VPS16: variants seen among roughly 807,000 people sequenced by gnomAD.
VPS16 encodes vacuolar protein sorting-associated protein 16 homolog.
Under a neutral mutation model 116.0 loss-of-function variants are expected in VPS16, and 82 were observed. The observed-to-expected ratio is 0.71, with a 90% CI of 0.59 to 0.85. The LOEUF (loss-of-function observed/expected upper bound fraction) is 0.85. Ranked by LOEUF, VPS16 falls within the 40% of genes least tolerant of loss-of-function variation. The pLI is 0.00. For synonymous variants in VPS16, 406 were observed against 420.7 expected (o/e 0.96, Z 0.43); for missense variants, 928 against 1,090.6 (o/e 0.85, Z 2.10).
intron 1 of VPS16, among the ~76,000 whole-genome samples, chr20:2,848,240 T>A (rs1016047952): frequency 5.9e-5 from 9 of 152,300 alleles, no homozygotes; most frequent in South Asian, 2.1e-4. Flanking sequence ...ATTTATTTTT[T>A]ATTTTTAATT....
intron 1 of VPS16, among the ~76,000 whole-genome samples, chr20:2,845,325 C>T (rs547338989): frequency 2.0e-5 from 3 of 151,902 alleles, no homozygotes; most frequent in Non-Finnish European, 2.9e-5. Flanking sequence ...AGAAAGGAAG[C>T]GTGAGTTTGG....
intron 11 of VPS16, 21 bp from the exon 12 acceptor site, chr20:2,862,558 C>A: frequency 6.2e-7 from 1 of 1,610,432 alleles, no homozygotes; most frequent in Non-Finnish European, 8.5e-7. Context: ...GATGCCCTGG[C>A]TCTGGACTGC....
In VPS16 at chr20:2,864,167, C is replaced by T; in HGVS notation, c.1612-12C>T. ...AGCTCCTTCTCTCTGTGCCTTCCTT[C>T]TCACCTCACAGCTGCTGGAGTATGA... On this transcript the variant is annotated splice_polypyrimidine_tract_variant and intron_variant, in intron 16 of 23. Transcript: ENST00000380445. The surrounding 1 kb of genome is among the most constrained non-coding windows in gnomAD (Gnocchi z 5.2). 1 of 1,614,202 alleles carries T rather than the reference C, an allele frequency of 6.2e-7. No individual in the cohort carries two copies.
At chr20:2,849,049 G>T (rs1380452510) in intron 1 of VPS16, among the ~76,000 whole-genome samples, 10 of 152,134 alleles carry the variant, frequency 6.6e-5, no homozygotes, top group Non-Finnish European at 7.4e-5. Context: ...TAGTCTCCTT[G>T]GAGACAGGAA....
chr20:2,847,775 C>T (rs2089076535), intron 1 of VPS16, among the ~76,000 whole-genome samples: 1 of 151,442 alleles, frequency 6.6e-6, no homozygotes. Context: ...CCGCACCCAG[C>T]CCCGCCCCCT....
At chr20:2,847,497 T>G (rs1422630318) in intron 1 of VPS16, among the ~76,000 whole-genome samples, 3 of 132,922 alleles carry the variant, frequency 2.3e-5, no homozygotes, top group Non-Finnish European at 3.1e-5. Flanking sequence ...TTTTTTTTTT[T>G]AAGACGGACT....
chr20:2,846,829 G>A (rs2089064954), intron 1 of VPS16, among the ~76,000 whole-genome samples: 1 of 152,150 alleles, frequency 6.6e-6, no homozygotes, highest in African/African-American at 2.4e-5. Flanking sequence ...ACTGTTTCCA[G>A]CAGGGGACTG....
chr20:2,842,904 A>AGATGTATCTATCGATAGATAGATGTATC (rs2089021076), intron 1 of VPS16, among the ~76,000 whole-genome samples: 4 of 5,642 alleles, frequency 7.1e-4, no homozygotes, highest in Admixed American at 1.6e-3. Context: ...ATAGATAGAT[A>AGATGTATCTATCGATAGATAGATGTATC]TATGTTATGG....
In VPS16 at chr20:2,859,772, G is replaced by T. The variant is rs150816934; in HGVS notation, c.107G>T (p.Cys36Phe). 7.4e-6 allele frequency: 12 copies of T among 1,613,144 alleles called. No homozygotes were observed. In the African/African-American group the frequency reaches 1.3e-4, roughly 18 times the overall value. ...DWDLKEELRD[C>F]LVAAAPYGGP... ...GACCTGAAGGAGGAACTCAGGGATT[G>T]CCTGGTGGCTGCTGCACCCTATGGG... is the stretch of plus-strand genomic sequence containing the variant. Residue 36 changes from cysteine to phenylalanine, a missense_variant, in exon 2 of 24, where the codon TGC becomes TTC. Transcript: ENST00000380445.
intron 1 of VPS16, among the ~76,000 whole-genome samples, chr20:2,846,862 A>G (rs764073172): frequency 2.0e-5 from 3 of 152,184 alleles, no homozygotes; most frequent in Non-Finnish European, 4.4e-5. Flanking sequence ...CCGGTACCTC[A>G]CTACATCCTT....
intron 1 of VPS16, 103 bp downstream of exon 1, chr20:2,840,930 C>G (rs1599960999): frequency 9.4e-7 from 1 of 1,060,948 alleles, no homozygotes; most frequent in Non-Finnish European, 1.3e-6. Flanking sequence ...GCGCTGGGGT[C>G]CGCCCCGCGC....
rs368759422 is a variant in VPS16, at chr20:2,864,181, G to A, written c.1614G>A (p.Leu538=). 22 of 1,614,092 alleles carry A rather than the reference G, an allele frequency of 1.4e-5. No individual in the cohort carries two copies. In the African/African-American group the frequency reaches 1.9e-4, roughly 14 times the overall value. Residue 538 remains leucine (L), a splice_region_variant and synonymous_variant, in exon 17 of 24, where the codon CTG becomes CTA. Transcript: ENST00000380445. The surrounding 1 kb of genome is among the most constrained non-coding windows in gnomAD (Gnocchi z 5.2). ...GTGCCTTCCTTCTCACCTCACAGCT[G>A]CTGGAGTATGAGCCACGCTCAGGGG... ...GCGRTELAIK[L]LEYEPRSGEQ...
chr20:2,863,223 T>C lies in VPS16; in HGVS notation c.1368-67T>C, dbSNP rs1399466833. On this transcript the variant is annotated intron_variant, in intron 14 of 23. Transcript: ENST00000380445. This position sits in a 1 kb window ranked among gnomAD's most constrained non-coding sequence, Gnocchi z 4.4. The stretch of plus-strand genomic sequence containing the variant: ...GATGTGGGAGGCCTGATGTGCAGGC[T>C]GAGGCCACTCTGCTCCCTTTCTCCT... 2 of 1,610,198 alleles carry C rather than the reference T, an allele frequency of 1.2e-6. No homozygotes were observed. Among genetic ancestry groups the C allele is most frequent in the Non-Finnish European group, 1.7e-6 (2 of 1,176,640 alleles).
At position 2,860,864 on chromosome 20, in the gene VPS16, G is replaced by T; in HGVS notation, c.630+1G>T. The T allele has an allele frequency of 6.2e-7, 1 of 1,614,118 alleles. No individual in the cohort carries two copies. Among genetic ancestry groups the T allele is most frequent in the Non-Finnish European group, 8.5e-7 (1 of 1,180,032 alleles). On this transcript the variant is annotated splice_donor_variant, in intron 6 of 23. Coordinates refer to ENST00000380445, the MANE Select transcript of VPS16 (RefSeq NM_022575.4). LOFTEE classifies it high-confidence loss of function. This position sits in a 1 kb window ranked among gnomAD's most constrained non-coding sequence, Gnocchi z 6.1. ...GGACCATGCAGCCTGCTCCGCAGTG[G>T]TAAGGGCCCTGAGTGGGAATGAAGT...
At position 2,860,876 on chromosome 20, in the gene VPS16, A is replaced by G; in HGVS notation, c.630+13A>G. 1 of 1,614,046 alleles carries G rather than the reference A, an allele frequency of 6.2e-7. No individual in the cohort carries two copies. The highest frequency in any genetic ancestry group is 8.5e-7 in the Non-Finnish European group (1 of 1,180,030). On this transcript the variant is annotated intron_variant, in intron 6 of 23. Transcript: ENST00000380445. This position sits in a 1 kb window ranked among gnomAD's most constrained non-coding sequence, Gnocchi z 6.1. ...CTGCTCCGCAGTGGTAAGGGCCCTG[A>G]GTGGGAATGAAGTGGACGGGCTGGG...
At position 2,863,484 on chromosome 20, in the gene VPS16, T is replaced by C. The variant is rs1439209648; in HGVS notation, c.1476+86T>C. 6.7e-6 allele frequency: 9 copies of C among 1,343,738 alleles called. No individual in the cohort carries two copies. The highest frequency in any genetic ancestry group is 1.8e-5 in the Admixed American group (1 of 54,324). The allele number at this position is 1,343,738 out of a possible 1,614,324, so 83.2% of individuals were successfully genotyped here. On this transcript the variant is annotated intron_variant, in intron 15 of 23. Coordinates refer to ENST00000380445, the MANE Select transcript of VPS16 (RefSeq NM_022575.4). The surrounding 1 kb of genome is among the most constrained non-coding windows in gnomAD (Gnocchi z 4.4). ...GGAAATAGAAAGTGTAGAACTGCGC[T>C]GGGCACGGTGGCTCATGCCTGTAAT...
rs2089278423 is a variant in VPS16 at position 2,863,877 on chromosome 20, TC to T, written c.1477-70del. On this transcript the variant is annotated intron_variant, in intron 15 of 23. Transcript: ENST00000380445. The surrounding 1 kb of genome is among the most constrained non-coding windows in gnomAD (Gnocchi z 4.4). Reference sequence around the variant, plus strand: ...GGAGGAAGGGAACTGAAGGGGTGGGTCCTAAGGGCTTGCAGGAGTGGAGAGT... The same window carrying T: ...GGAGGAAGGGAACTGAAGGGGTGGGTCTAAGGGCTTGCAGGAGTGGAGAGT... The T allele has an allele frequency of 1.3e-6, 2 of 1,578,730 alleles. No homozygotes were observed. The highest frequency in any genetic ancestry group is 4.5e-5 in the East Asian group (2 of 44,406).
intron 22 of VPS16, 27 bp from the exon 23 acceptor site, chr20:2,866,185 C>G (rs375507594): frequency 3.1e-6 from 5 of 1,608,828 alleles, no homozygotes; most frequent in Non-Finnish European, 4.3e-6. Flanking sequence ...ATTACCTTCT[C>G]CCTCCACCCG....
intron 1 of VPS16, among the ~76,000 whole-genome samples, chr20:2,848,449 G>A (rs2089083809): frequency 6.6e-6 from 1 of 152,138 alleles, no homozygotes; most frequent in South Asian, 2.1e-4. Context: ...GTGTAATAGT[G>A]AGCGGAGCCA....
Sources: allele counts gnomAD v4.1 joint callset (sites outside exome capture counted in the v4.1 genomes callset), GRCh38; gene constraint gnomAD v4.1.1; non-coding constraint Gnocchi (gnomAD v3.1); transcripts MANE v1.5; gene names NCBI Gene and HGNC (gene_info 2026-07-23, HGNC 2026-07-21).